CNTNAP2: variants seen among roughly 807,000 people sequenced by gnomAD.
The protein encoded by CNTNAP2 is contactin associated protein 2.
CNTNAP2 carries 98 observed loss-of-function variants against 155.2 expected under a neutral mutation model. The observed-to-expected ratio is 0.63, with a 90% CI of 0.54 to 0.75. CNTNAP2 has a LOEUF of 0.75. Among genes scored for constraint, CNTNAP2 ranks in the 30% least tolerant of loss-of-function variants. The pLI is 0.00. For synonymous variants in CNTNAP2, 651 were observed against 631.2 expected, an observed-to-expected ratio of 1.03 and a Z score of -0.47; for missense variants, 1,727 against 1,688.1, an observed-to-expected ratio of 1.02 and a Z score of -0.40.
intron 13 of CNTNAP2, among the ~76,000 whole-genome samples, chr7:147,740,621 A>T (rs1037846344): frequency 6.6e-6 from 1 of 152,232 alleles, no homozygotes; most frequent in African/African-American, 2.4e-5. Context: ...CTTGTCATTC[A>T]CTTTGTAGAT....
intron 8 of CNTNAP2, among the ~76,000 whole-genome samples, chr7:147,270,837 G>A (rs528438049): frequency 5.3e-5 from 8 of 152,132 alleles, no homozygotes; most frequent in Non-Finnish European, 7.4e-5. Context: ...CCTCATGTGC[G>A]AAATAAGTTG....
chr7:146,614,816 A>G (rs905793977), intron 1 of CNTNAP2, among the ~76,000 whole-genome samples: 3 of 152,192 alleles, frequency 2.0e-5, no homozygotes, highest in Non-Finnish European at 2.9e-5. Flanking sequence ...GAAGTTCAAG[A>G]TGGTAGCATT....
intron 1 of CNTNAP2, among the ~76,000 whole-genome samples, chr7:146,159,603 A>G (rs1798184519): frequency 1.3e-5 from 2 of 152,210 alleles, no homozygotes; most frequent in Non-Finnish European, 2.9e-5. Flanking sequence ...AGTCTCTGAT[A>G]AAACTGACTT....
rs191626207 is a variant in CNTNAP2, at chr7:146,248,054, G to A, written c.97+131081G>A. Among the ~76,000 whole-genome samples, 41 of 151,978 alleles carry A rather than the reference G, an allele frequency of 2.7e-4. 2 individuals carry two copies. In the South Asian group the frequency reaches 3.3e-3, roughly 12 times the overall value. On this transcript the variant is annotated intron_variant, in intron 1 of 23. Transcript: ENST00000361727. ...AAGAGGCTGGGGCACGGAAATAAGG[G>A]ATCGGGGCACAGAGATATAAGAGGC...
intron 1 of CNTNAP2, among the ~76,000 whole-genome samples, chr7:146,633,194 G>A (rs550783526): frequency 4.0e-4 from 61 of 152,044 alleles, no homozygotes; most frequent in Non-Finnish European, 7.6e-4. Flanking sequence ...CAGACTAGAT[G>A]GATTTCTAAA....
intron 3 of CNTNAP2, among the ~76,000 whole-genome samples, chr7:146,958,691 G>T (rs1187339272): frequency 6.6e-6 from 1 of 151,908 alleles, no homozygotes; most frequent in East Asian, 1.9e-4. Flanking sequence ...GGGATTACAG[G>T]TGTGAGCCAC....
chr7:146,736,215 G>A (rs1190819120), intron 1 of CNTNAP2, among the ~76,000 whole-genome samples: 1 of 152,154 alleles, frequency 6.6e-6, no homozygotes. Flanking sequence ...AGGGATTTGA[G>A]CATTCCTGGA....
At chr7:147,173,358 T>A (rs12531741) in intron 8 of CNTNAP2, among the ~76,000 whole-genome samples, 53,973 of 151,752 alleles carry the variant, frequency 0.36, 10,604 homozygotes, top group East Asian at 0.56. Flanking sequence ...TGACTGACAA[T>A]CTCCCAACTT....
chr7:147,784,345 C>A, intron 13 of CNTNAP2, among the ~76,000 whole-genome samples: 1 of 138,304 alleles, frequency 7.2e-6, no homozygotes, highest in African/African-American at 2.6e-5. Context: ...TTTTAAAACA[C>A]AAAGATTATC....
chr7:148,283,255 A>AAGAAAAGAAAGAAAGAAAGAAAG (rs1797007935), intron 21 of CNTNAP2, among the ~76,000 whole-genome samples: 1 of 63,626 alleles, frequency 1.6e-5, no homozygotes, highest in South Asian at 7.9e-4. Flanking sequence ...AAAAAAAAAA[A>AAGAAAAGAAAGAAAGAAAGAAAG]AAAGAAAGAA....
chr7:147,328,034 G>T (rs1211674155), intron 9 of CNTNAP2, among the ~76,000 whole-genome samples: 1 of 152,080 alleles, frequency 6.6e-6, no homozygotes, highest in African/African-American at 2.4e-5. Context: ...ACAAAATCTA[G>T]AGACAAATTT....
intron 12 of CNTNAP2, among the ~76,000 whole-genome samples, chr7:147,607,832 C>A (rs1801102443): frequency 6.6e-6 from 1 of 152,068 alleles, no homozygotes. Context: ...AATTCCCCAA[C>A]AATAATAAAA....
At chr7:147,993,971 A>G (rs1197232870) in intron 15 of CNTNAP2, among the ~76,000 whole-genome samples, 1 of 152,124 alleles carries the variant, frequency 6.6e-6, no homozygotes, top group Non-Finnish European at 1.5e-5. Flanking sequence ...AGTCTCTACT[A>G]TTTCTGCTTT....
chr7:148,093,773 A>C (rs978632864), intron 15 of CNTNAP2, among the ~76,000 whole-genome samples: 1 of 151,886 alleles, frequency 6.6e-6, no homozygotes. Context: ...TGATAGTATT[A>C]TTTTTTCTTT....
intron 9 of CNTNAP2, among the ~76,000 whole-genome samples, chr7:147,375,416 C>T (rs565701338): frequency 1.3e-5 from 2 of 152,082 alleles, no homozygotes; most frequent in East Asian, 1.9e-4. Flanking sequence ...TTCACCCCGA[C>T]ACAATTTCAA....
chr7:147,276,504 T>C (rs978407074), intron 8 of CNTNAP2, among the ~76,000 whole-genome samples: 2 of 152,058 alleles, frequency 1.3e-5, no homozygotes, highest in Admixed American at 1.3e-4. Flanking sequence ...GTAACCATTG[T>C]CTCAGCTATG....
chr7:147,727,580 C>T (rs909417754), intron 13 of CNTNAP2, among the ~76,000 whole-genome samples: 3 of 151,816 alleles, frequency 2.0e-5, no homozygotes, highest in Admixed American at 6.6e-5. Context: ...CTTTATATAT[C>T]CCATCATATT....
At chr7:147,540,601 G>A (rs982230132) in intron 11 of CNTNAP2, among the ~76,000 whole-genome samples, 1 of 152,134 alleles carries the variant, frequency 6.6e-6, no homozygotes, top group African/African-American at 2.4e-5. Context: ...AGGGAAACAA[G>A]GAGGGCAGAT....
chr7:147,320,201 G>C (rs965326103), intron 9 of CNTNAP2, among the ~76,000 whole-genome samples: 19 of 152,152 alleles, frequency 1.2e-4, no homozygotes, highest in African/African-American at 4.6e-4. Context: ...AGTGAAAAGA[G>C]TCATGGAGCC....
Sources: gnomAD v4.1 joint callset for allele counts (sites outside exome capture counted in the v4.1 genomes callset) on GRCh38, gnomAD v4.1.1 for gene constraint, MANE v1.5 for transcripts, NCBI Gene and HGNC (gene_info 2026-07-23, HGNC 2026-07-21) for gene names.